The following TMTC2 variants were observed in gnomAD, a reference collection of about 807,000 sequenced individuals.
The protein encoded by TMTC2 is transmembrane O-mannosyltransferase targeting cadherins 2.
Under a neutral mutation model 82.4 loss-of-function variants are expected in TMTC2, and 43 were observed. That is an observed-to-expected ratio of 0.52 (90% CI 0.41 to 0.67). TMTC2 has a LOEUF of 0.67. TMTC2 is among the 30% of genes least tolerant of loss of function. TMTC2 has a pLI of 0.00. For synonymous variants in TMTC2, 408 were observed against 381.9 expected, an observed-to-expected ratio of 1.07 and a Z score of -0.80; for missense variants, 919 against 1,012.4, an observed-to-expected ratio of 0.91 and a Z score of 1.25.
intron 10 of TMTC2, among the ~76,000 whole-genome samples, chr12:83,054,226 G>T (rs1382842664): frequency 6.6e-6 from 1 of 151,970 alleles, no homozygotes; most frequent in African/African-American, 2.4e-5. Flanking sequence ...GACTTAGAAG[G>T]TATTTATTCC....
chr12:82,697,855 T>C (rs1022548877), intron 1 of TMTC2, among the ~76,000 whole-genome samples: 3 of 152,194 alleles, frequency 2.0e-5, no homozygotes, highest in Non-Finnish European at 4.4e-5. Context: ...GTTTGTGCTT[T>C]TGTTGAACAA....
At chr12:82,728,152 TC>T (rs948613604) in intron 1 of TMTC2, among the ~76,000 whole-genome samples, 7 of 151,906 alleles carry the variant, frequency 4.6e-5, no homozygotes, top group African/African-American at 1.7e-4. Flanking sequence ...CCACTGCTGT[TC>T]CCCAACAACT....
chr12:82,837,965 G>T (rs994074082), intron 1 of TMTC2, among the ~76,000 whole-genome samples: 3 of 152,170 alleles, frequency 2.0e-5, no homozygotes, highest in African/African-American at 7.2e-5. Flanking sequence ...GCTACTTGCT[G>T]TGAAATCTTG....
intron 2 of TMTC2, among the ~76,000 whole-genome samples, chr12:82,862,714 A>G (rs537451774): frequency 6.6e-6 from 1 of 152,292 alleles, no homozygotes; most frequent in African/African-American, 2.4e-5. Flanking sequence ...TTTTAATGCT[A>G]AGCAGAAAGT....
intron 1 of TMTC2, among the ~76,000 whole-genome samples, chr12:82,762,791 CAAATT>C (rs1369273023): frequency 6.6e-6 from 1 of 151,482 alleles, no homozygotes; most frequent in African/African-American, 2.4e-5. Flanking sequence ...CTTATAAAAA[CAAATT>C]AATGAATAGG....
intron 1 of TMTC2, among the ~76,000 whole-genome samples, chr12:82,799,733 T>C (rs1040035872): frequency 6.6e-6 from 1 of 152,136 alleles, no homozygotes; most frequent in African/African-American, 2.4e-5. Context: ...GTGTCCACAT[T>C]TCCCCTTTTT....
chr12:82,933,686 C>A (rs1876164890), intron 4 of TMTC2, among the ~76,000 whole-genome samples: 1 of 152,134 alleles, frequency 6.6e-6, no homozygotes, highest in Non-Finnish European at 1.5e-5. Context: ...GCGTGGAATA[C>A]CTACATTTGT....
At chr12:82,891,904 C>G (rs557811082) in intron 2 of TMTC2, among the ~76,000 whole-genome samples, 1 of 152,048 alleles carries the variant, frequency 6.6e-6, no homozygotes, top group African/African-American at 2.4e-5. Context: ...GGTAACATGG[C>G]AAAACACCAT....
intron 1 of TMTC2, 34 bp downstream of exon 1, chr12:82,687,703 A>AG (rs756289141): frequency 1.3e-5 from 21 of 1,578,790 alleles, no homozygotes; most frequent in Non-Finnish European, 1.8e-5. Context: ...GACGGGCTGC[A>AG]GGGGGCACAC....
chr12:82,703,496 TTC>T lies in TMTC2; in HGVS notation c.83+15829_83+15830del, dbSNP rs1234993533. Among the ~76,000 whole-genome samples, 557 of 136,698 alleles carry T rather than the reference TTC, an allele frequency of 4.1e-3. 3 individuals are homozygous for T. Among genetic ancestry groups the T allele is most frequent in the African/African-American group, 0.014 (491 of 34,600 alleles). 89.7% of individuals were successfully genotyped at this position (136,698 alleles called of 152,430 possible). A position where few individuals can be genotyped will look rare whatever the true frequency, so the allele number is the denominator to read the frequency against. ...CTGTAATGGAAGATAGATAGTTTCT[TTC>T]TTTTTTTTTTTTTTTTTTGAGACAG... On this transcript the variant is annotated intron_variant, in intron 1 of 11. Coordinates refer to ENST00000321196, the MANE Select transcript of TMTC2 (RefSeq NM_152588.3).
intron 1 of TMTC2, among the ~76,000 whole-genome samples, chr12:82,817,508 T>G (rs908390605): frequency 1.3e-5 from 2 of 152,154 alleles, no homozygotes; most frequent in Non-Finnish European, 1.5e-5. Flanking sequence ...AGAAGGCCAT[T>G]TCTGCTGTTA....
chr12:83,000,645 A>G (rs981066482), intron 8 of TMTC2, among the ~76,000 whole-genome samples: 1 of 151,952 alleles, frequency 6.6e-6, no homozygotes, highest in African/African-American at 2.4e-5. Context: ...CAGTGGATCT[A>G]CCATTCTGGG....
At chr12:82,827,592 T>TG (rs1446005644) in intron 1 of TMTC2, among the ~76,000 whole-genome samples, 6 of 152,218 alleles carry the variant, frequency 3.9e-5, no homozygotes, top group Non-Finnish European at 8.8e-5. Context: ...AAGCTTCTTA[T>TG]GGGCCAGGAT....
chr12:82,914,907 C>A (rs755934473), intron 3 of TMTC2, among the ~76,000 whole-genome samples: 2 of 148,676 alleles, frequency 1.3e-5, no homozygotes, highest in Non-Finnish European at 3.0e-5. Context: ...CTCACTGCAA[C>A]CTCTGCCTCC....
chr12:82,750,519 T>C (rs572899891), intron 1 of TMTC2, among the ~76,000 whole-genome samples: 1 of 152,242 alleles, frequency 6.6e-6, no homozygotes, highest in South Asian at 2.1e-4. Flanking sequence ...AGTTGATTAT[T>C]TTATGATAAT....
At chr12:82,965,514 G>T in intron 5 of TMTC2, 46 bp from the exon 6 acceptor site, 1 of 1,596,662 alleles carries the variant, frequency 6.3e-7, no homozygotes, top group Non-Finnish European at 8.6e-7. Flanking sequence ...TTTTATTCAA[G>T]TGTATATCAT....
chr12:82,893,650 T>C (rs1477193257), intron 2 of TMTC2, among the ~76,000 whole-genome samples: 1 of 152,152 alleles, frequency 6.6e-6, no homozygotes, highest in Non-Finnish European at 1.5e-5. Context: ...TAACCACCTA[T>C]TCTTTTGCTT....
intron 9 of TMTC2, among the ~76,000 whole-genome samples, chr12:83,049,072 G>A (rs1362269536): frequency 6.6e-6 from 1 of 152,160 alleles, no homozygotes; most frequent in East Asian, 1.9e-4. Flanking sequence ...TAAATAAACA[G>A]TAAATAATGG....
chr12:82,889,899 G>A (rs1873308324), intron 2 of TMTC2, among the ~76,000 whole-genome samples: 1 of 151,816 alleles, frequency 6.6e-6, no homozygotes, highest in South Asian at 2.1e-4. Context: ...ATCTATTTCT[G>A]TTTTTTCTTT....
Sources: allele counts gnomAD v4.1 joint callset (sites outside exome capture counted in the v4.1 genomes callset), GRCh38; gene constraint gnomAD v4.1.1; transcripts MANE v1.5; gene names NCBI Gene and HGNC (gene_info 2026-07-23, HGNC 2026-07-21).